GNAO1: variants seen among roughly 807,000 people sequenced by gnomAD.
GNAO1 encodes G protein subunit alpha o1, also known as guanine nucleotide-binding protein G(o) subunit alpha.
For missense variants in GNAO1, 166 were observed against 478.7 expected (o/e 0.35, Z 6.10); for synonymous variants, 164 against 180.7 (o/e 0.91, Z 0.74).
chr16:56,233,123 A>G (rs1303916471), intron 2 of GNAO1, among the ~76,000 whole-genome samples: 4 of 152,226 alleles, frequency 2.6e-5, no homozygotes, highest in Non-Finnish European at 4.4e-5. Flanking sequence ...CATCTGTAAA[A>G]TGGAGTGCTC....
intron 4 of GNAO1, among the ~76,000 whole-genome samples, chr16:56,332,035 A>C (rs564923820): frequency 1.3e-5 from 2 of 152,092 alleles, no homozygotes; most frequent in African/African-American, 4.8e-5. Context: ...TGGCAGGTAC[A>C]TCAGATTCTG....
chr16:56,255,227 T>C (rs1307787238), intron 2 of GNAO1, among the ~76,000 whole-genome samples: 4 of 152,208 alleles, frequency 2.6e-5, no homozygotes, highest in Non-Finnish European at 4.4e-5. Context: ...GAGGGGCAGG[T>C]GTGTGGCAAT....
intron 3 of GNAO1, among the ~76,000 whole-genome samples, chr16:56,277,819 A>ACACACG (rs1567466398): frequency 2.1e-5 from 3 of 139,750 alleles, no homozygotes; most frequent in African/African-American, 8.0e-5. Flanking sequence ...ACACACACAC[A>ACACACG]CACACACACA....
chr16:56,300,036 TGC>T lies in GNAO1; in HGVS notation c.303+23979_303+23980del, dbSNP rs1555505525. Among the ~76,000 whole-genome samples the T allele has an allele frequency of 9.3e-3, 885 of 95,050 alleles. 9 individuals carry two copies. Among genetic ancestry groups the T allele is most frequent in the East Asian group, 0.061 (108 of 1,772 alleles). 62.4% of individuals were successfully genotyped at this position (95,050 alleles called of 152,430 possible). A position where few individuals can be genotyped will look rare whatever the true frequency, so the allele number is the denominator to read the frequency against. ...GTGTGTGTGTGTGTGTGTGTGTGTG[TGC>T]GCGCGCGCGCGCGCACGCACATGTG... On this transcript the variant is annotated intron_variant, in intron 3 of 8. Transcript: ENST00000262493.
chr16:56,209,247 C>A (rs750593682), intron 2 of GNAO1, among the ~76,000 whole-genome samples: 1 of 152,178 alleles, frequency 6.6e-6, no homozygotes, highest in Non-Finnish European at 1.5e-5. Context: ...GTGGGGCCAC[C>A]ACTGTCATAG....
intron 2 of GNAO1, among the ~76,000 whole-genome samples, chr16:56,256,626 G>A (rs2036849169): frequency 6.6e-6 from 1 of 151,800 alleles, no homozygotes; most frequent in Non-Finnish European, 1.5e-5. Flanking sequence ...CTCAGGATCT[G>A]TTGTCTTTTC....
intron 3 of GNAO1, among the ~76,000 whole-genome samples, chr16:56,293,998 G>A (rs2037257858): frequency 6.6e-6 from 1 of 152,192 alleles, no homozygotes; most frequent in Non-Finnish European, 1.5e-5. Context: ...GAAACACCAA[G>A]TCATATCACT....
intron 3 of GNAO1, among the ~76,000 whole-genome samples, chr16:56,292,516 C>T (rs2037242024): frequency 6.6e-6 from 1 of 152,116 alleles, no homozygotes; most frequent in African/African-American, 2.4e-5. Flanking sequence ...CACATATCAC[C>T]ATACCCAGCT....
chr16:56,347,203 CCTCTT>C (rs2037878058), intron 6 of GNAO1: 1 of 985,434 alleles, frequency 1.0e-6, no homozygotes, highest in South Asian at 4.7e-5. Context: ...CCTCTGGCTG[CCTCTT>C]CTCTTCTCTG....
At chr16:56,206,742 C>T (rs536516345) in intron 2 of GNAO1, among the ~76,000 whole-genome samples, 1 of 152,302 alleles carries the variant, frequency 6.6e-6, no homozygotes, top group African/African-American at 2.4e-5. Flanking sequence ...AAAAGAATTG[C>T]AGTAAGGCTT....
In GNAO1 at chr16:56,284,507, G is replaced by T. The variant is rs116207475; in HGVS notation, c.303+8435G>T. 2.2e-3 allele frequency among the ~76,000 whole-genome samples: 340 copies of T among 152,348 alleles called. 2 individuals carry two copies. The highest frequency in any genetic ancestry group is 7.6e-3 in the African/African-American group (317 of 41,576). On this transcript the variant is annotated intron_variant, in intron 3 of 8. Transcript: ENST00000262493. ...CAACCCAAAGGAACTGCAGTTTTCA[G>T]TATGGGAAAGAAAGAAGGACTAAAG...
chr16:56,289,062 AAC>A (rs755023113), intron 3 of GNAO1, among the ~76,000 whole-genome samples: 12 of 152,192 alleles, frequency 7.9e-5, no homozygotes, highest in Non-Finnish European at 1.0e-4. Flanking sequence ...AAGAGAAAAA[AAC>A]ACAGTTTCAA....
At chr16:56,222,910 C>G (rs1027105207) in intron 2 of GNAO1, among the ~76,000 whole-genome samples, 1 of 152,064 alleles carries the variant, frequency 6.6e-6, no homozygotes, top group Non-Finnish European at 1.5e-5. Context: ...CACCTGTGCA[C>G]CCTGCGAGAT....
intron 2 of GNAO1, among the ~76,000 whole-genome samples, chr16:56,236,829 T>C (rs1284236066): frequency 6.6e-6 from 1 of 152,204 alleles, no homozygotes; most frequent in East Asian, 1.9e-4. Flanking sequence ...TTTAAAGTTT[T>C]CAGATTCTGA....
chr16:56,246,197 T>C (rs2036742734), intron 2 of GNAO1, among the ~76,000 whole-genome samples: 1 of 152,120 alleles, frequency 6.6e-6, no homozygotes, highest in Admixed American at 6.5e-5. Context: ...CTCTTGGAGG[T>C]GAGGTCAGGG....
chr16:56,267,289 T>C (rs1403965340), intron 2 of GNAO1, among the ~76,000 whole-genome samples: 1 of 152,128 alleles, frequency 6.6e-6, no homozygotes, highest in Non-Finnish European at 1.5e-5. Context: ...ATTTCCCCCA[T>C]TGAGTCAGCT....
At chr16:56,234,521 G>T (rs2143407370) in intron 2 of GNAO1, among the ~76,000 whole-genome samples, 1 of 152,358 alleles carries the variant, frequency 6.6e-6, no homozygotes, top group South Asian at 2.1e-4. Flanking sequence ...TGCCCATGAG[G>T]CTCTAATAGC....
At chr16:56,315,071 G>A (rs2037494866) in intron 3 of GNAO1, among the ~76,000 whole-genome samples, 1 of 152,220 alleles carries the variant, frequency 6.6e-6, no homozygotes, top group African/African-American at 2.4e-5. Flanking sequence ...GAAAGGATGA[G>A]GAGGCAAGAG....
intron 3 of GNAO1, among the ~76,000 whole-genome samples, chr16:56,321,506 T>C (rs2143631756): frequency 6.6e-6 from 1 of 152,202 alleles, no homozygotes; most frequent in East Asian, 1.9e-4. Flanking sequence ...ATTTGACAAA[T>C]AGGGATTCTT....
Sources: allele counts gnomAD v4.1 joint callset (sites outside exome capture counted in the v4.1 genomes callset), GRCh38; gene constraint gnomAD v4.1.1; transcripts MANE v1.5; gene names NCBI Gene and HGNC (gene_info 2026-07-23, HGNC 2026-07-21).